The following IRAG1 variants were observed in gnomAD, a reference collection of about 807,000 sequenced individuals.
IRAG1 encodes inositol 1,4,5-triphosphate receptor associated 1, also known as IP3R-associated cGMP kinase substrate.
IRAG1 carries 62 observed loss-of-function variants against 106.2 expected under a neutral mutation model. The observed-to-expected ratio is 0.58, with a 90% confidence interval of 0.48 to 0.72. The LOEUF is 0.72. Among genes scored for constraint, IRAG1 ranks in the 30% least tolerant of loss-of-function variants. The pLI, the probability that IRAG1 is intolerant of heterozygous loss-of-function variation, is 0.00. For synonymous variants in IRAG1, 462 were observed against 443.9 expected (o/e 1.04, Z -0.51); for missense variants, 1,064 against 1,140.7 (o/e 0.93, Z 0.97).
intron 2 of IRAG1, among the ~76,000 whole-genome samples, chr11:10,639,762 T>G (rs1191115247): frequency 6.6e-6 from 1 of 152,218 alleles, no homozygotes; most frequent in Non-Finnish European, 1.5e-5. Flanking sequence ...TGTCTTCATT[T>G]GTTTGTATGA....
intron 18 of IRAG1, among the ~76,000 whole-genome samples, chr11:10,588,373 G>T: frequency 6.6e-6 from 1 of 151,814 alleles, no homozygotes; most frequent in Non-Finnish European, 1.5e-5. Context: ...GACAGGGTCT[G>T]GTTCTGTCGC....
intron 2 of IRAG1, among the ~76,000 whole-genome samples, chr11:10,636,955 C>G (rs1029530001): frequency 6.6e-6 from 1 of 152,150 alleles, no homozygotes; most frequent in Admixed American, 6.5e-5. Context: ...GAGGTCAGGG[C>G]TGGGGGAATT....
chr11:10,634,894 C>T (rs1857028481), intron 2 of IRAG1, among the ~76,000 whole-genome samples: 1 of 152,058 alleles, frequency 6.6e-6, no homozygotes, highest in Admixed American at 6.6e-5. Flanking sequence ...ATAGTGCACA[C>T]ATATAGGTTA....
intron 17 of IRAG1, 56 bp downstream of exon 17, chr11:10,593,436 C>T (rs1004852356): frequency 2.0e-5 from 30 of 1,500,540 alleles, no homozygotes; most frequent in Non-Finnish European, 2.4e-5. Context: ...GGACTGAGTA[C>T]GAAGGAAAGG....
intron 2 of IRAG1, among the ~76,000 whole-genome samples, chr11:10,641,350 C>T (rs1347435534): frequency 6.6e-6 from 1 of 152,188 alleles, no homozygotes; most frequent in African/African-American, 2.4e-5. Flanking sequence ...TCTGGGTCTC[C>T]TCAACCATCT....
At chr11:10,649,653 C>T (rs1858297538) in intron 2 of IRAG1, among the ~76,000 whole-genome samples, 1 of 152,180 alleles carries the variant, frequency 6.6e-6, no homozygotes, top group African/African-American at 2.4e-5. Context: ...TTCCTGCTGG[C>T]CTTCCTAACC....
At chr11:10,639,754 T>A (rs1179123721) in intron 2 of IRAG1, among the ~76,000 whole-genome samples, 1 of 152,186 alleles carries the variant, frequency 6.6e-6, no homozygotes, top group Non-Finnish European at 1.5e-5. Flanking sequence ...GTGCAGATTG[T>A]CTTCATTTGT....
chr11:10,673,868 GAGAT>G (rs1860443681), intron 1 of IRAG1, among the ~76,000 whole-genome samples: 1 of 152,190 alleles, frequency 6.6e-6, no homozygotes, highest in South Asian at 2.1e-4. Flanking sequence ...TTGAGGGAAA[GAGAT>G]AGATTATGTG....
At chr11:10,651,938 T>C (rs1373243116) in intron 2 of IRAG1, 87 bp downstream of exon 2, 16 of 1,433,878 alleles carry the variant, frequency 1.1e-5, no homozygotes, top group Non-Finnish European at 1.5e-5. Context: ...GCAAACCCTC[T>C]GGCCAGCCTA....
At chr11:10,635,908 C>G (rs936966843) in intron 2 of IRAG1, among the ~76,000 whole-genome samples, 1 of 145,072 alleles carries the variant, frequency 6.9e-6, no homozygotes, top group Non-Finnish European at 1.5e-5. Flanking sequence ...TATCCGGGAG[C>G]GATTCAGTGC....
intron 18 of IRAG1, among the ~76,000 whole-genome samples, chr11:10,587,831 C>T (rs921108175): frequency 1.3e-5 from 2 of 152,190 alleles, no homozygotes; most frequent in Admixed American, 6.5e-5. Flanking sequence ...TCACACTGAA[C>T]TTCGTTTTGT....
intron 10 of IRAG1, chr11:10,617,195 C>T (rs532270283): frequency 9.1e-6 from 9 of 985,364 alleles, no homozygotes; most frequent in Middle Eastern, 5.2e-4. Context: ...ACCTTCTAGA[C>T]GTTGCCACCT....
intron 11 of IRAG1, 46 bp downstream of exon 11, chr11:10,609,682 G>A (rs765505976): frequency 2.5e-6 from 4 of 1,579,540 alleles, no homozygotes. Context: ...TCCAACACAG[G>A]GGCCACTCGG....
chr11:10,668,862 C>T (rs1859995437), intron 1 of IRAG1, among the ~76,000 whole-genome samples: 2 of 152,180 alleles, frequency 1.3e-5, no homozygotes, highest in Non-Finnish European at 2.9e-5. Context: ...CTCCTGAAAG[C>T]CCTGATGGGA....
At chr11:10,682,450 C>A (rs774524133) in intron 1 of IRAG1, among the ~76,000 whole-genome samples, 6 of 152,172 alleles carry the variant, frequency 3.9e-5, no homozygotes, top group Non-Finnish European at 7.3e-5. Flanking sequence ...ATGTCTATAA[C>A]CAACCGTATC....
At chr11:10,616,519 A>C (rs1855442859) in intron 10 of IRAG1, among the ~76,000 whole-genome samples, 1 of 144,634 alleles carries the variant, frequency 6.9e-6, no homozygotes. Flanking sequence ...ATACCAAAGC[A>C]AAAACAAAAA....
chr11:10,605,262 A>G (rs1854383752), intron 12 of IRAG1, among the ~76,000 whole-genome samples: 1 of 152,216 alleles, frequency 6.6e-6, no homozygotes, highest in Non-Finnish European at 1.5e-5. Context: ...GAAGGAAGCA[A>G]TGGTCTTCAA....
In IRAG1 at chr11:10,693,663, C is replaced by A; in HGVS notation, c.-61G>T. ...AGCCGAGAAGCCTCTGGCTGCAGAA[C>A]CTCGGCCGCACGCCTCCTCTGAGAG... On this transcript the variant is annotated 5_prime_UTR_variant, in exon 1 of 21. Coordinates refer to ENST00000423302, the MANE Select transcript of IRAG1 (RefSeq NM_130385.4). 7 of 1,523,104 alleles carry A rather than the reference C, an allele frequency of 4.6e-6. No homozygotes were observed. The highest frequency in any genetic ancestry group is 2.4e-5 in the East Asian group (1 of 40,822). 94.3% of individuals were successfully genotyped at this position (1,523,104 alleles called of 1,614,324 possible). A position where few individuals can be genotyped will look rare whatever the true frequency, so the allele number is the denominator to read the frequency against.
At chr11:10,599,521 G>A (rs2134291129) in intron 15 of IRAG1, among the ~76,000 whole-genome samples, 1 of 152,312 alleles carries the variant, frequency 6.6e-6, no homozygotes, top group Non-Finnish European at 1.5e-5. Context: ...CAGATCCAAA[G>A]CTGACAGTCT....
Sources: gnomAD v4.1 joint callset for allele counts (sites outside exome capture counted in the v4.1 genomes callset) on GRCh38, gnomAD v4.1.1 for gene constraint, MANE v1.5 for transcripts, NCBI Gene and HGNC (gene_info 2026-07-23, HGNC 2026-07-21) for gene names.